The following HTT variants were observed in gnomAD, a reference collection of about 807,000 sequenced individuals.
The protein encoded by HTT is huntingtin.
A neutral mutation model predicts 362.3 loss-of-function variants in HTT; 104 were observed. That is an observed-to-expected ratio of 0.29 (90% CI 0.24 to 0.34). The LOEUF is 0.34. Ranked by LOEUF, HTT falls within the 10% of genes least tolerant of loss-of-function variation. HTT has a pLI of 1.00. For missense variants in HTT, 3,301 were observed against 3,928.6 expected (o/e 0.84, Z 4.27); for synonymous variants, 1,577 against 1,548.7 (o/e 1.02, Z -0.43).
intron 1 of HTT, among the ~76,000 whole-genome samples, chr4:3,084,654 C>T (rs1343434115): frequency 1.3e-5 from 2 of 150,212 alleles, no homozygotes; most frequent in Admixed American, 6.6e-5. Flanking sequence ...TGCGCCATTG[C>T]ACTTCAGCCT....
chr4:3,217,020 G>A (rs1020316457), intron 51 of HTT, among the ~76,000 whole-genome samples: 12 of 149,412 alleles, frequency 8.0e-5, no homozygotes, highest in Admixed American at 1.3e-4. Flanking sequence ...GCAAGACTCC[G>A]TCTCAAAAAA....
chr4:3,222,670 G>A (rs1454940753), intron 54 of HTT, among the ~76,000 whole-genome samples, 183 bp downstream of exon 54: 3 of 152,216 alleles, frequency 2.0e-5, no homozygotes, highest in Admixed American at 2.0e-4. Flanking sequence ...CTGAGGTCTG[G>A]GGGCTGCGAT....
At chr4:3,171,293 T>A (rs1055085697) in intron 29 of HTT, among the ~76,000 whole-genome samples, 6 of 152,128 alleles carry the variant, frequency 3.9e-5, no homozygotes, top group Non-Finnish European at 2.9e-5. Flanking sequence ...GATATTTTGT[T>A]AAACAAGTGG....
intron 30 of HTT, 147 bp from the exon 31 acceptor site, chr4:3,172,761 A>C: frequency 1.5e-6 from 1 of 662,630 alleles, no homozygotes; most frequent in Non-Finnish European, 2.7e-6. Flanking sequence ...CTCATGAGGT[A>C]TTAATAGTGA....
intron 1 of HTT, among the ~76,000 whole-genome samples, chr4:3,078,964 T>C (rs570959253): frequency 1.3e-5 from 2 of 152,202 alleles, no homozygotes; most frequent in Non-Finnish European, 2.9e-5. Flanking sequence ...CTTGATCTCC[T>C]GACCTCGTCA....
chr4:3,215,243 G>A (rs1302836511), intron 51 of HTT, 32 bp downstream of exon 51: 15 of 1,530,966 alleles, frequency 9.8e-6, no homozygotes, highest in African/African-American at 1.4e-5. Flanking sequence ...TTTCTTACAT[G>A]TTGTTCCTCC....
rs3025819 is a variant in HTT, at chr4:3,217,533, C to G, written c.7055-232C>G. Among the ~76,000 whole-genome samples the G allele has an allele frequency of 7.3e-3, 1,115 of 152,096 alleles. 17 individuals carry two copies. The highest frequency in any genetic ancestry group is 0.025 in the African/African-American group (1,052 of 41,376). ...GAGAGTGGGCCAGAGGGCTGGGAAC[C>G]AAGGCCAGAGCTCAGGTTCAGGACC... On this transcript the variant is annotated intron_variant, in intron 51 of 66. Coordinates refer to ENST00000355072, the MANE Select transcript of HTT (RefSeq NM_001388492.1).
At chr4:3,189,159 G>C (rs989618934) in intron 40 of HTT, 66 bp downstream of exon 40, 6 of 1,516,462 alleles carry the variant, frequency 4.0e-6, no homozygotes, top group Non-Finnish European at 4.5e-6. Context: ...CACTCTCAGA[G>C]TGTAGGAGCT....
chr4:3,130,358 G>C lies in HTT; in HGVS notation c.1921G>C (p.Asp641His). The C allele has an allele frequency of 1.2e-6, 2 of 1,609,266 alleles. No homozygotes were observed. Among genetic ancestry groups the C allele is most frequent in the Non-Finnish European group, 1.7e-6 (2 of 1,176,874 alleles). ...KNMSHCRQPS[D>H]SSVDKFVLRD... is the part of the protein sequence containing the mutation. ...CATGAGTCACTGCAGGCAGCCTTCTGACAGCAGTGTTGATAAATTTGTGTT... is the reference window on the plus strand; with the variant it reads ...CATGAGTCACTGCAGGCAGCCTTCTCACAGCAGTGTTGATAAATTTGTGTT... The change falls in exon 14 of 67, where the codon GAC becomes CAC. Residue 641 changes from aspartate (D) to histidine (H), a missense_variant. Transcript: ENST00000355072.
rs987280795 is a variant in HTT, at chr4:3,145,197, G to A, written c.3112G>A (p.Val1038Ile). The A allele has an allele frequency of 1.9e-6, 3 of 1,613,684 alleles. No individual in the cohort carries two copies. In the African/African-American group the frequency reaches 4.0e-5, roughly 22 times the overall value. ...ALCLLSTAFP[V>I]CIWSLGWHCG... ...GTGTCTTCTTTCCACTGCCTTCCCA[G>A]TTTGCATTTGGAGTTTAGGTTGGCA... The change falls in exon 24 of 67, where the codon GTT becomes ATT. Residue 1038 changes from valine to isoleucine, a missense_variant. Around this residue, in one of 4 missense-constraint regions of HTT, gnomAD observed 2,316 missense variants for 2,658.5 expected, o/e 0.87. Coordinates refer to ENST00000355072, the MANE Select transcript of HTT (RefSeq NM_001388492.1).
intron 34 of HTT, 29 bp from the exon 35 acceptor site, chr4:3,178,269 A>C: frequency 6.6e-7 from 1 of 1,521,878 alleles, no homozygotes; most frequent in Non-Finnish European, 9.0e-7. Context: ...TTTTAAAAGA[A>C]AGGTCTAAAT....
chr4:3,229,778 GTC>G, intron 59 of HTT, 107 bp from the exon 60 acceptor site: 1 of 1,183,180 alleles, frequency 8.5e-7, no homozygotes, highest in Non-Finnish European at 1.2e-6. Context: ...GCACAGTAAT[GTC>G]TCTTGGGTGT....
At chr4:3,100,466 C>T (rs191854210) in intron 3 of HTT, among the ~76,000 whole-genome samples, 9 of 152,258 alleles carry the variant, frequency 5.9e-5, no homozygotes, top group African/African-American at 1.7e-4. Flanking sequence ...GTGGTCAGGA[C>T]GCTGGCTTCT....
At chr4:3,204,740 G>A (rs1055771676) in intron 42 of HTT, among the ~76,000 whole-genome samples, 7 of 152,320 alleles carry the variant, frequency 4.6e-5, no homozygotes, top group Non-Finnish European at 1.0e-4. Context: ...AGCTGAGGGC[G>A]GAGGATGGCT....
intron 40 of HTT, among the ~76,000 whole-genome samples, chr4:3,197,262 A>G (rs779083616): frequency 6.6e-5 from 10 of 152,038 alleles, no homozygotes; most frequent in Non-Finnish European, 1.5e-4. Context: ...TCTCATGGAC[A>G]ACTTTCTCTT....
intron 42 of HTT, among the ~76,000 whole-genome samples, chr4:3,205,687 C>G (rs1448811181): frequency 6.6e-6 from 1 of 152,002 alleles, no homozygotes. Context: ...ATTTAGGGAG[C>G]TCAACAAATA....
chr4:3,133,235 C>T (rs1715904726), intron 18 of HTT, among the ~76,000 whole-genome samples: 1 of 151,514 alleles, frequency 6.6e-6, no homozygotes, highest in African/African-American at 2.4e-5. Flanking sequence ...TGTAATCTGA[C>T]CACTTTGGGA....
chr4:3,160,903 T>G (rs1717409174), intron 29 of HTT, among the ~76,000 whole-genome samples: 1 of 152,078 alleles, frequency 6.6e-6, no homozygotes, highest in South Asian at 2.1e-4. Context: ...TGGTGGCTAA[T>G]TTCAGTTTTA....
Position 3,083,530 on chromosome 4 carries a change from T to TATATATATAC in HTT, c.264-3408_264-3407insTATATATACA, listed in dbSNP as rs1165543364. On this transcript the variant is annotated intron_variant, in intron 1 of 66. Transcript: ENST00000355072. Reference sequence around the variant, plus strand: ...GAGAGTGAGACCCTGTCTCTAAATATACACACACACACACACACACACACA... The same window carrying TATATATATAC: ...GAGAGTGAGACCCTGTCTCTAAATATATATATATACACACACACACACACACACACACACA... 1.8e-3 allele frequency among the ~76,000 whole-genome samples: 230 copies of TATATATATAC among 125,208 alleles called. 1 individual carries two copies. The highest frequency in any genetic ancestry group is 7.9e-3 in the East Asian group (30 of 3,816). 82.1% of individuals were successfully genotyped at this position (125,208 alleles called of 152,430 possible). A position where few individuals can be genotyped will look rare whatever the true frequency, so the allele number is the denominator to read the frequency against.
Sources: allele counts gnomAD v4.1 joint callset (sites outside exome capture counted in the v4.1 genomes callset), GRCh38; gene constraint gnomAD v4.1.1; regional missense constraint gnomAD v4.1.1; transcripts MANE v1.5; gene names NCBI Gene and HGNC (gene_info 2026-07-23, HGNC 2026-07-21).